The following PBX3 variants were observed in gnomAD, a reference collection of about 807,000 sequenced individuals.
PBX3 encodes the protein pre-B-cell leukemia transcription factor 3.
Under a neutral mutation model 48.5 loss-of-function variants are expected in PBX3, and 14 were observed. The observed-to-expected ratio is 0.29, with a 90% CI of 0.19 to 0.45. The LOEUF is 0.45. Ranked by LOEUF, PBX3 falls within the 20% of genes least tolerant of loss-of-function variation. The probability of loss-of-function intolerance (pLI) is 1.00; values close to 1 mark genes in which losing one functional copy is unlikely to be tolerated. For synonymous variants in PBX3, 210 were observed against 200.3 expected, an observed-to-expected ratio of 1.05 and a Z score of -0.41; for missense variants, 386 against 546.7, an observed-to-expected ratio of 0.71 and a Z score of 2.93.
intron 2 of PBX3, among the ~76,000 whole-genome samples, chr9:125,793,366 A>AAAAAAAAAATATATATATATAT (rs59271982): frequency 2.0e-5 from 2 of 101,976 alleles, no homozygotes; most frequent in African/African-American, 8.5e-5. Flanking sequence ...GGAAAAAAAA[A>AAAAAAAAAATATATATATATAT]ATATATATAT....
chr9:125,809,253 A>G (rs944026629), intron 2 of PBX3, among the ~76,000 whole-genome samples: 4 of 152,226 alleles, frequency 2.6e-5, no homozygotes, highest in African/African-American at 7.2e-5. Context: ...TGACTGCAAA[A>G]GTGCCCTGAG....
rs1390051406 is a variant in PBX3 at position 125,779,302 on chromosome 9, G to T, written c.274+30679G>T. On this transcript the variant is annotated intron_variant, in intron 2 of 8. Coordinates refer to ENST00000373489, the MANE Select transcript of PBX3 (RefSeq NM_006195.6). ...TATTGATCATTCTTGGGTGTTTCTCGCAGAGGGGGATTTGGCAGGGTCATA... is the reference window on the plus strand; with the variant it reads ...TATTGATCATTCTTGGGTGTTTCTCTCAGAGGGGGATTTGGCAGGGTCATA... 4.0e-5 allele frequency among the ~76,000 whole-genome samples: 5 copies of T among 125,114 alleles called. 1 individual carries two copies. The highest frequency in any genetic ancestry group is 1.7e-4 in the Admixed American group (2 of 11,590). The allele number at this position is 125,114 out of a possible 152,430, so 82.1% of individuals were successfully genotyped here.
intron 2 of PBX3, among the ~76,000 whole-genome samples, chr9:125,792,787 C>T (rs1837649503): frequency 6.6e-6 from 1 of 151,518 alleles, no homozygotes; most frequent in South Asian, 2.1e-4. Context: ...CAACCTCCGC[C>T]TCCTGGGTTC....
chr9:125,926,312 G>A (rs561039451), intron 3 of PBX3, among the ~76,000 whole-genome samples: 1 of 152,118 alleles, frequency 6.6e-6, no homozygotes, highest in Non-Finnish European at 1.5e-5. Flanking sequence ...TTGAGGTCAG[G>A]AGTTCGAGAC....
At chr9:125,823,558 A>G (rs1268381418) in intron 2 of PBX3, among the ~76,000 whole-genome samples, 2 of 150,318 alleles carry the variant, frequency 1.3e-5, no homozygotes, top group Non-Finnish European at 2.9e-5. Flanking sequence ...ATAGTGTTAA[A>G]TAAAGTTTTA....
chr9:125,954,692 C>T (rs956817901), intron 5 of PBX3, among the ~76,000 whole-genome samples: 16 of 152,222 alleles, frequency 1.1e-4, no homozygotes, highest in Middle Eastern at 3.4e-3. Context: ...TGCACCACCA[C>T]GCCCGGCTAA....
At chr9:125,827,332 C>T (rs1247148733) in intron 2 of PBX3, among the ~76,000 whole-genome samples, 1 of 152,080 alleles carries the variant, frequency 6.6e-6, no homozygotes, top group African/African-American at 2.4e-5. Context: ...ATTTTGCCAT[C>T]TCTGCTTTAG....
At chr9:125,755,828 A>G (rs759313948) in intron 2 of PBX3, among the ~76,000 whole-genome samples, 12 of 151,894 alleles carry the variant, frequency 7.9e-5, no homozygotes, top group Admixed American at 3.9e-4. Flanking sequence ...CTGAATATTA[A>G]TTGACCTAAT....
chr9:125,807,924 A>G (rs1416812185), intron 2 of PBX3, among the ~76,000 whole-genome samples: 1 of 152,224 alleles, frequency 6.6e-6, no homozygotes, highest in Non-Finnish European at 1.5e-5. Context: ...TGTATACATC[A>G]GTTTTTAATT....
At chr9:125,932,694 A>G (rs1841745023) in intron 4 of PBX3, among the ~76,000 whole-genome samples, 1 of 152,214 alleles carries the variant, frequency 6.6e-6, no homozygotes. Flanking sequence ...AGAAAGAAAT[A>G]TTTTCTAACA....
intron 2 of PBX3, among the ~76,000 whole-genome samples, chr9:125,824,207 G>A (rs935494942): frequency 3.3e-5 from 5 of 152,276 alleles, no homozygotes; most frequent in Middle Eastern, 6.8e-3. Flanking sequence ...ATAAGGAAGT[G>A]TCCTGAAAGT....
intron 2 of PBX3, among the ~76,000 whole-genome samples, chr9:125,897,140 G>GTTT (rs200046509): frequency 4.5e-5 from 4 of 88,778 alleles, no homozygotes; most frequent in Admixed American, 4.0e-4. Flanking sequence ...ATTCATTTGT[G>GTTT]GTTTTTTTTT....
At chr9:125,924,283 C>G (rs1841521738) in intron 3 of PBX3, among the ~76,000 whole-genome samples, 1 of 152,106 alleles carries the variant, frequency 6.6e-6, no homozygotes, top group African/African-American at 2.4e-5. Flanking sequence ...TTCATTTTTG[C>G]AAACTCACTA....
intron 2 of PBX3, among the ~76,000 whole-genome samples, chr9:125,834,558 G>A (rs1172994020): frequency 6.6e-6 from 1 of 151,162 alleles, no homozygotes; most frequent in Non-Finnish European, 1.5e-5. Context: ...CACTGCGACC[G>A]GCTAATTTTT....
chr9:125,830,139 C>T (rs371764195), intron 2 of PBX3, among the ~76,000 whole-genome samples: 1 of 152,102 alleles, frequency 6.6e-6, no homozygotes, highest in African/African-American at 2.4e-5. Flanking sequence ...TTTACAAAAG[C>T]GTTATTTTTT....
chr9:125,803,437 TTCC>T (rs1664959332), intron 2 of PBX3, among the ~76,000 whole-genome samples: 1 of 152,210 alleles, frequency 6.6e-6, no homozygotes, highest in African/African-American at 2.4e-5. Flanking sequence ...AAAAATTATT[TTCC>T]AGGATTCAAA....
At chr9:125,749,857 A>G (rs1367173838) in intron 2 of PBX3, among the ~76,000 whole-genome samples, 1 of 152,200 alleles carries the variant, frequency 6.6e-6, no homozygotes, top group East Asian at 1.9e-4. Context: ...TATTAAATAT[A>G]TATGCTAAAC....
At chr9:125,829,197 T>C (rs1838889713) in intron 2 of PBX3, among the ~76,000 whole-genome samples, 3 of 152,254 alleles carry the variant, frequency 2.0e-5, no homozygotes, top group Admixed American at 2.0e-4. Context: ...CTTTGGAATT[T>C]CTGTATACAT....
At chr9:125,762,374 C>T (rs533108307) in intron 2 of PBX3, among the ~76,000 whole-genome samples, 2 of 152,266 alleles carry the variant, frequency 1.3e-5, no homozygotes, top group East Asian at 3.9e-4. Context: ...TGCTTTCCTT[C>T]TCAAATTCTT....
Sources: gnomAD v4.1 joint callset for allele counts (sites outside exome capture counted in the v4.1 genomes callset) on GRCh38, gnomAD v4.1.1 for gene constraint, MANE v1.5 for transcripts, NCBI Gene and HGNC (gene_info 2026-07-23, HGNC 2026-07-21) for gene names.